Variants in PADI6 observed in about 807,000 individuals in gnomAD.
PADI6 encodes the protein inactive protein-arginine deiminase type-6.
A neutral mutation model predicts 78.2 loss-of-function variants in PADI6; 66 were observed. The observed-to-expected ratio is 0.84, with a 90% CI of 0.69 to 1.04. The LOEUF (loss-of-function observed/expected upper bound fraction) is 1.04. Among genes scored for constraint, PADI6 ranks in the 50% least tolerant of loss-of-function variants. The pLI is 0.00. For synonymous variants in PADI6, 397 were observed against 346.9 expected, an observed-to-expected ratio of 1.14 and a Z score of -1.60; for missense variants, 854 against 866.1, an observed-to-expected ratio of 0.99 and a Z score of 0.18.
chr1:17,375,334 A>G, intron 2 of PADI6, 93 bp from the exon 3 acceptor site: 1 of 1,178,730 alleles, frequency 8.5e-7, no homozygotes, highest in Admixed American at 2.0e-5. Context: ...CAAGACCAAG[A>G]TCCCACGCCT....
chr1:17,375,976 T>A (rs986741192), intron 3 of PADI6, among the ~76,000 whole-genome samples: 1 of 149,996 alleles, frequency 6.7e-6, no homozygotes, highest in Non-Finnish European at 1.5e-5. Flanking sequence ...TAACATCTAC[T>A]TTTTTTTTCT....
chr1:17,398,741 A>AG lies in PADI6; in HGVS notation c.1747dup (p.Asp583GlyfsTer16). 6.3e-7 allele frequency: 1 copy of AG among 1,582,614 alleles called. No individual in the cohort carries two copies. The highest frequency in any genetic ancestry group is 8.6e-7 in the Non-Finnish European group (1 of 1,163,300). The stretch of plus-strand genomic sequence containing the variant: ...AAGACGGAGCTGGGCCTGGTGGAAC[A>AG]GGACATCATCGAGATTCCCCAGCTG... On this transcript the variant is annotated frameshift_variant, in exon 15 of 16. Transcript: ENST00000619609. LOFTEE classifies it high-confidence loss of function.
intron 6 of PADI6, among the ~76,000 whole-genome samples, 179 bp from the exon 7 acceptor site, chr1:17,388,202 C>T (rs2075141965): frequency 6.6e-6 from 1 of 152,238 alleles, no homozygotes; most frequent in Admixed American, 6.5e-5. Context: ...GTATGAACAT[C>T]TGGTTGTCTA....
chr1:17,384,292 A>AAT (rs373580288), intron 6 of PADI6, among the ~76,000 whole-genome samples: 7 of 152,058 alleles, frequency 4.6e-5, no homozygotes, highest in African/African-American at 1.7e-4. Flanking sequence ...AGAAAGCCAG[A>AAT]ATACAGGGTT....
chr1:17,386,003 C>A (rs534638398), intron 6 of PADI6, among the ~76,000 whole-genome samples: 1 of 152,248 alleles, frequency 6.6e-6, no homozygotes, highest in East Asian at 1.9e-4. Flanking sequence ...GATGGACAGA[C>A]AGTCGAGGAC....
At chr1:17,382,373 G>A (rs2075080883) in intron 6 of PADI6, among the ~76,000 whole-genome samples, 1 of 152,222 alleles carries the variant, frequency 6.6e-6, no homozygotes, top group Admixed American at 6.5e-5. Flanking sequence ...TAGAAGAGAA[G>A]AGAGACATAT....
chr1:17,401,308 A>G lies in PADI6; in HGVS notation c.1955A>G (p.Glu652Gly). 1 of 1,614,076 alleles carries G rather than the reference A, an allele frequency of 6.2e-7. No homozygotes were observed. Among genetic ancestry groups the G allele is most frequent in the Non-Finnish European group, 8.5e-7 (1 of 1,179,906 alleles). The change falls in exon 16 of 16, where the codon GAG (glutamate) becomes GGG (glycine). Residue 652 changes from glutamate to glycine, a missense_variant. By Grantham distance (98) the Glu-to-Gly change is moderately conservative (BLOSUM62 -2). Coordinates refer to ENST00000619609, the MANE Select transcript of PADI6 (RefSeq NM_207421.4). The part of the protein sequence containing the change: ...CLEEKICCLL[E>G]PLGFKCTFIN... ...GAAGAAAAGATTTGCTGCTTGCTGG[A>G]GCCCCTGGGCTTCAAGTGCACCTTC...
At chr1:17,393,769 C>CT (rs2100319684) in intron 9 of PADI6, among the ~76,000 whole-genome samples, 1 of 152,234 alleles carries the variant, frequency 6.6e-6, no homozygotes, top group East Asian at 1.9e-4. Context: ...GCCACCACAC[C>CT]TGGCCATGGA....
chr1:17,397,150 A>AGT lies in PADI6; in HGVS notation c.1689+13_1689+14dup, dbSNP rs1316750616. On this transcript the variant is annotated intron_variant, in intron 14 of 15. Coordinates refer to ENST00000619609, the MANE Select transcript of PADI6 (RefSeq NM_207421.4). ...AGAATGAATACGTGGAGGTAGGACC[A>AGT]GTGTGAAGGGGGCCATCCCCAAGAA... is the stretch of plus-strand genomic sequence containing the variant. 1.9e-6 allele frequency: 3 copies of AGT among 1,613,420 alleles called. No individual in the cohort carries two copies. The African/African-American group carries it at 4.0e-5, about 22-fold the overall frequency.
At position 17,393,991 on chromosome 1, in the gene PADI6, G is replaced by T; in HGVS notation, c.1091G>T (p.Cys364Phe). Residue 364 changes from cysteine to phenylalanine, a missense_variant, in exon 10 of 16, where the codon TGC becomes TTC. Physicochemically the swap from Cys to Phe is radical, Grantham distance 205 (BLOSUM62 -2). Transcript: ENST00000619609. ...CCATTCCAGGATGAGATGGCCTTCT[G>T]CTACACCCAGGCTCCCCACAAGACA... Reference protein sequence around the residue: ...GRWLQDEMAFCYTQAPHKTTS... With the variant: ...GRWLQDEMAFFYTQAPHKTTS... 6.2e-7 allele frequency: 1 copy of T among 1,613,854 alleles called. No individual in the cohort carries two copies. The highest frequency in any genetic ancestry group is 8.5e-7 in the Non-Finnish European group (1 of 1,179,848).
chr1:17,387,938 G>A (rs1034487213), intron 6 of PADI6, among the ~76,000 whole-genome samples: 1 of 152,116 alleles, frequency 6.6e-6, no homozygotes, highest in African/African-American at 2.4e-5. Context: ...TCCAATAAAT[G>A]GTTCTCACTG....
chr1:17,382,890 A>G (rs376644082), intron 6 of PADI6, among the ~76,000 whole-genome samples: 2 of 152,166 alleles, frequency 1.3e-5, no homozygotes, highest in Admixed American at 6.6e-5. Flanking sequence ...TCCTGGACTC[A>G]AGCAGTCCTC....
intron 3 of PADI6, among the ~76,000 whole-genome samples, chr1:17,377,538 A>G (rs1292899689): frequency 1.3e-5 from 2 of 152,200 alleles, no homozygotes; most frequent in Admixed American, 6.5e-5. Context: ...GGTGTCTGAC[A>G]GATGTCTGAA....
At chr1:17,375,816 A>T (rs1252219934) in intron 3 of PADI6, among the ~76,000 whole-genome samples, 5 of 151,618 alleles carry the variant, frequency 3.3e-5, no homozygotes, top group Non-Finnish European at 5.9e-5. Context: ...TTTGTTACTA[A>T]TTGACGCATC....
At chr1:17,399,950 C>A (rs185808596) in intron 15 of PADI6, among the ~76,000 whole-genome samples, 103 of 150,982 alleles carry the variant, frequency 6.8e-4, no homozygotes, top group African/African-American at 2.5e-3. Flanking sequence ...CAGGAGGATC[C>A]CTTGAACCCA....
chr1:17,383,079 G>C (rs1003320312), intron 6 of PADI6, among the ~76,000 whole-genome samples: 2 of 152,162 alleles, frequency 1.3e-5, no homozygotes, highest in South Asian at 4.1e-4. Flanking sequence ...TACTGCACCC[G>C]GCCCAACCTG....
Position 17,392,025 on chromosome 1 carries a change from A to T in PADI6, c.963-89A>T. 4 of 1,083,378 alleles carry T rather than the reference A, an allele frequency of 3.7e-6. 1 individual carries two copies. The highest frequency in any genetic ancestry group is 2.9e-5 in the South Asian group (2 of 70,110). 67.1% of individuals were successfully genotyped at this position (1,083,378 alleles called of 1,614,324 possible). ...GATGTAACCTCTCCTGGTGAGAAGGATGTGTTCTTCCTCTCTTGGCACAAG... is the reference window on the plus strand; with the variant it reads ...GATGTAACCTCTCCTGGTGAGAAGGTTGTGTTCTTCCTCTCTTGGCACAAG... On this transcript the variant is annotated intron_variant, in intron 8 of 15. Coordinates refer to ENST00000619609, the MANE Select transcript of PADI6 (RefSeq NM_207421.4).
chr1:17,374,494 C>T (rs1486202953), intron 2 of PADI6, among the ~76,000 whole-genome samples: 3 of 152,126 alleles, frequency 2.0e-5, no homozygotes, highest in African/African-American at 7.2e-5. Flanking sequence ...GGTGTGGTGG[C>T]AGGTGCCTGT....
At chr1:17,394,857 GGCCA>G in intron 11 of PADI6, 90 bp from the exon 12 acceptor site, 1 of 1,423,246 alleles carries the variant, frequency 7.0e-7, no homozygotes, top group Admixed American at 2.6e-5. Context: ...AACGGTCAGA[GGCCA>G]GCTCCCTGGA....
Sources: gnomAD v4.1 joint callset for allele counts (sites outside exome capture counted in the v4.1 genomes callset) on GRCh38, gnomAD v4.1.1 for gene constraint, MANE v1.5 for transcripts, NCBI Gene and HGNC (gene_info 2026-07-23, HGNC 2026-07-21) for gene names.